The following SH3BP2 variants were observed in gnomAD, a reference collection of about 807,000 sequenced individuals.
SH3BP2 encodes SH3 domain-binding protein 2.
SH3BP2 carries 38 observed loss-of-function variants against 56.2 expected under a neutral mutation model. The ratio of observed to expected loss-of-function variants is 0.68; its 90% confidence interval spans 0.52 to 0.89. The LOEUF is 0.89. Among genes scored for constraint, SH3BP2 ranks in the 40% least tolerant of loss-of-function variants. SH3BP2 has a pLI of 0.00. For synonymous variants in SH3BP2, 346 were observed against 316.7 expected, an observed-to-expected ratio of 1.09 and a Z score of -0.98; for missense variants, 748 against 762.6, an observed-to-expected ratio of 0.98 and a Z score of 0.23.
At position 2,829,725 on chromosome 4, in the gene SH3BP2, C is replaced by T; in HGVS notation, c.819C>T (p.Thr273=). 3 of 1,612,770 alleles carry T rather than the reference C, an allele frequency of 1.9e-6. No homozygotes were observed. Among genetic ancestry groups the T allele is most frequent in the Non-Finnish European group, 2.5e-6 (3 of 1,179,748 alleles). The change falls in exon 8 of 13, where the codon ACC becomes ACT. Residue 273 remains threonine (T), a synonymous_variant. Coordinates refer to ENST00000503393, the MANE Select transcript of SH3BP2 (RefSeq NM_001122681.2). The surrounding 1 kb of genome is among the most constrained non-coding windows in gnomAD (Gnocchi z 4.9). ...AGCCTTGCCCCAGGGTACCTGCTAC[C>T]CCCCGAAGGATGAGCGATCCCCCTC... ...RAEPCPRVPA[T]PRRMSDPPLS...
chr4:2,817,336 G>A (rs1626813), intron 1 of SH3BP2, among the ~76,000 whole-genome samples: 57,395 of 152,080 alleles, frequency 0.38, 12,357 homozygotes, highest in Admixed American at 0.52. Context: ...CTGGCAGGGC[G>A]GCTGGAAGGA....
chr4:2,823,008 G>GT lies in SH3BP2; in HGVS notation c.210_211insT (p.Gly71TrpfsTer9). Reference sequence around the variant, plus strand: ...AGAGTAGCACCTCTGCCTCCCCGCAGGGCGCCTTCTCCCTGAGTGGCTATA... The same window carrying GT: ...AGAGTAGCACCTCTGCCTCCCCGCAGTGGCGCCTTCTCCCTGAGTGGCTATA... On this transcript the variant is annotated frameshift_variant, in exon 3 of 13. Transcript: ENST00000503393. LOFTEE classifies it high-confidence loss of function. 6.2e-7 allele frequency: 1 copy of GT among 1,614,036 alleles called. No homozygotes were observed. Among genetic ancestry groups the GT allele is most frequent in the Non-Finnish European group, 8.5e-7 (1 of 1,179,936 alleles).
At chr4:2,826,813 G>A (rs1724675473) in intron 5 of SH3BP2, 1 of 412,744 alleles carries the variant, frequency 2.4e-6, no homozygotes, top group East Asian at 6.9e-5. Context: ...TGCTTGTCCT[G>A]TATCTGTGTT....
intron 11 of SH3BP2, 120 bp from the exon 12 acceptor site, chr4:2,832,870 C>T: frequency 9.9e-7 from 1 of 1,011,944 alleles, no homozygotes; most frequent in Non-Finnish European, 1.6e-6. Context: ...CCTCCCCGCC[C>T]CCCGAGGGCC....
chr4:2,798,208 G>A (rs985269667), intron 1 of SH3BP2, among the ~76,000 whole-genome samples: 3 of 152,122 alleles, frequency 2.0e-5, no homozygotes, highest in African/African-American at 4.8e-5. Flanking sequence ...GAGCGGAGTC[G>A]GTGTCCCCTG....
intron 1 of SH3BP2, among the ~76,000 whole-genome samples, chr4:2,809,262 A>C (rs1723648330): frequency 7.8e-6 from 1 of 129,016 alleles, no homozygotes; most frequent in South Asian, 2.5e-4. Context: ...CTCTGTGCCC[A>C]CCCACTCTCC....
chr4:2,796,567 G>A, intron 1 of SH3BP2: 1 of 634,986 alleles, frequency 1.6e-6, no homozygotes, highest in Non-Finnish European at 2.0e-6. Context: ...ACCTGGAGCA[G>A]TTGCCTGGGG....
chr4:2,828,892 C>T (rs373816237), intron 7 of SH3BP2, among the ~76,000 whole-genome samples: 2 of 152,324 alleles, frequency 1.3e-5, no homozygotes, highest in South Asian at 2.1e-4. Flanking sequence ...TCTTTCTCCT[C>T]AGCTCCTGTG....
chr4:2,827,423 T>G, intron 6 of SH3BP2, 105 bp downstream of exon 6: 1 of 1,270,832 alleles, frequency 7.9e-7, no homozygotes, highest in Non-Finnish European at 1.1e-6. Flanking sequence ...CTCCTTGCTC[T>G]GGCCCTTTGG....
At chr4:2,823,669 T>G (rs909050253) in intron 3 of SH3BP2, 1 of 371,116 alleles carries the variant, frequency 2.7e-6, no homozygotes, top group Non-Finnish European at 5.4e-6. Flanking sequence ...CACCCAGCTC[T>G]GGTTCTGGTT....
chr4:2,825,525 C>T (rs756563822), intron 5 of SH3BP2, among the ~76,000 whole-genome samples: 6 of 151,894 alleles, frequency 4.0e-5, no homozygotes, highest in African/African-American at 4.8e-5. Context: ...CACAGCAACA[C>T]GTGGACATGC....
intron 1 of SH3BP2, among the ~76,000 whole-genome samples, chr4:2,804,164 G>A (rs1038385498): frequency 2.0e-5 from 3 of 152,142 alleles, no homozygotes; most frequent in Non-Finnish European, 4.4e-5. Flanking sequence ...GGGTTCCACT[G>A]CAACTCTCTG....
rs369981092 is a variant in SH3BP2 at position 2,829,620 on chromosome 4, G to A, written c.714G>A (p.Pro238=). Residue 238 remains proline, a synonymous_variant, in exon 8 of 13, where the codon CCG becomes CCA. Transcript: ENST00000503393. The surrounding 1 kb of genome is among the most constrained non-coding windows in gnomAD (Gnocchi z 4.9). The part of the protein sequence containing the change: ...SKGPGPLLPP[P]PPKHGLPDVG... Reference sequence around the variant, plus strand: ...GCCCCGGTCCCCTACTGCCACCCCCGCCCCCTAAGCACGGCCTCCCAGATG... The same window carrying A: ...GCCCCGGTCCCCTACTGCCACCCCCACCCCCTAAGCACGGCCTCCCAGATG... 25 of 1,457,474 alleles carry A rather than the reference G, an allele frequency of 1.7e-5. No individual in the cohort carries two copies. The highest frequency in any genetic ancestry group is 1.1e-4 in the African/African-American group (7 of 63,408). The allele number at this position is 1,457,474 out of a possible 1,614,324, so 90.3% of individuals were successfully genotyped here. A position where few individuals can be genotyped will look rare whatever the true frequency, so the allele number is the denominator to read the frequency against.
Position 2,840,234 on chromosome 4 carries a change from C to CAAAAAAAAAAAAAAACAA in SH3BP2, c.*6415_*6416insCAAAAAAAAAAAAAAAAA, listed in dbSNP as rs1725373457. 1 of 82,832 alleles carries CAAAAAAAAAAAAAAACAA rather than the reference C, an allele frequency of 1.2e-5. No homozygotes were observed. The allele number at this position is 82,832 out of a possible 1,614,324, so 5.1% of individuals were successfully genotyped here. A position where few individuals can be genotyped will look rare whatever the true frequency, so the allele number is the denominator to read the frequency against. On this transcript the variant is annotated 3_prime_UTR_variant, in exon 13 of 13. Coordinates refer to ENST00000503393, the MANE Select transcript of SH3BP2 (RefSeq NM_001122681.2). The stretch of plus-strand genomic sequence containing the variant: ...AGTGAGACCCTATCTCAAAAAAAAC[C>CAAAAAAAAAAAAAAACAA]AAAAAAAAAAAAAAAAAAAAGAAAA...
At chr4:2,801,617 G>A (rs1256913418) in intron 1 of SH3BP2, among the ~76,000 whole-genome samples, 2 of 152,124 alleles carry the variant, frequency 1.3e-5, no homozygotes, top group Admixed American at 1.3e-4. Flanking sequence ...GAGCCCACCT[G>A]TGCTGGCCTG....
chr4:2,804,176 G>A (rs1180982847), intron 1 of SH3BP2, among the ~76,000 whole-genome samples: 1 of 152,142 alleles, frequency 6.6e-6, no homozygotes, highest in African/African-American at 2.4e-5. Flanking sequence ...AACTCTCTGG[G>A]GGTCTCCTTC....
At chr4:2,812,849 T>TAC (rs200853913) in intron 1 of SH3BP2, among the ~76,000 whole-genome samples, 6 of 52,482 alleles carry the variant, frequency 1.1e-4, no homozygotes, top group Non-Finnish European at 1.9e-4. Flanking sequence ...GGGTCCTAAG[T>TAC]ACACACGTTG....
In SH3BP2 at chr4:2,834,154, C is replaced by T; in HGVS notation, c.*320C>T. On this transcript the variant is annotated 3_prime_UTR_variant, in exon 13 of 13. Coordinates refer to ENST00000503393, the MANE Select transcript of SH3BP2 (RefSeq NM_001122681.2). The stretch of plus-strand genomic sequence containing the variant: ...ACACTGGTCCCCCCATCACACTCAC[C>T]CCTAAGTGGGCTGGGAGCCAGGCAG... 1 of 296,798 alleles carries T rather than the reference C, an allele frequency of 3.4e-6. No homozygotes were observed. Among genetic ancestry groups the T allele is most frequent in the Non-Finnish European group, 6.3e-6 (1 of 157,830 alleles). 18.4% of individuals were successfully genotyped at this position (296,798 alleles called of 1,614,324 possible). A position where few individuals can be genotyped will look rare whatever the true frequency, so the allele number is the denominator to read the frequency against.
Position 2,829,781 on chromosome 4 carries a change from G to A in SH3BP2, c.875G>A (p.Arg292Gln), listed in dbSNP as rs772152116. The A allele has an allele frequency of 1.1e-5, 18 of 1,612,814 alleles. No individual in the cohort carries two copies. The highest frequency in any genetic ancestry group is 2.2e-5 in the South Asian group (2 of 91,066). Residue 292 changes from arginine (R) to glutamine (Q), a missense_variant, in exon 8 of 13, where the codon CGG becomes CAG. Transcript: ENST00000503393. The surrounding 1 kb of genome is among the most constrained non-coding windows in gnomAD (Gnocchi z 4.9). ...LSTMPTAPGL[R>Q]KPPCFRESAS... ...ACCATGCCCACCGCACCCGGCCTCCGGAAACCCCCTTGCTTCCGGGAGAGT... is the reference window on the plus strand; with the variant it reads ...ACCATGCCCACCGCACCCGGCCTCCAGAAACCCCCTTGCTTCCGGGAGAGT...
Sources: allele counts gnomAD v4.1 joint callset (sites outside exome capture counted in the v4.1 genomes callset), GRCh38; gene constraint gnomAD v4.1.1; non-coding constraint Gnocchi (gnomAD v3.1); transcripts MANE v1.5; gene names NCBI Gene and HGNC (gene_info 2026-07-23, HGNC 2026-07-21).